Variants in CSMD1 observed in about 807,000 individuals in gnomAD.
CSMD1 encodes CUB and sushi domain-containing protein 1.
A neutral mutation model predicts 417.5 loss-of-function variants in CSMD1; 213 were observed. The ratio of observed to expected loss-of-function variants is 0.51; its 90% CI spans 0.46 to 0.57. CSMD1 has a LOEUF of 0.57. CSMD1 is among the 20% of genes least tolerant of loss of function. The pLI, the probability that CSMD1 is intolerant of heterozygous loss-of-function variation, is 0.00. For synonymous variants in CSMD1, 2,862 were observed against 1,736.8 expected (o/e 1.65, Z -16.11); for missense variants, 6,923 against 4,529.7 (o/e 1.53, Z -15.17).
chr8:3,478,869 G>A (rs1029248640), intron 11 of CSMD1, among the ~76,000 whole-genome samples: 1 of 152,120 alleles, frequency 6.6e-6, no homozygotes, highest in African/African-American at 2.4e-5. Context: ...ATCTCACCTG[G>A]GGAGGCCCTT....
At chr8:3,798,598 A>G (rs1170178579) in intron 5 of CSMD1, among the ~76,000 whole-genome samples, 1 of 152,150 alleles carries the variant, frequency 6.6e-6, no homozygotes, top group Non-Finnish European at 1.5e-5. Flanking sequence ...TATAAATAAA[A>G]TATTAACTTT....
chr8:3,577,838 G>C (rs1329067753), intron 9 of CSMD1, among the ~76,000 whole-genome samples: 2 of 152,114 alleles, frequency 1.3e-5, no homozygotes, highest in Non-Finnish European at 2.9e-5. Flanking sequence ...TTGCCTCCTT[G>C]CATCTAGGGT....
chr8:4,174,298 A>T (rs2656284), intron 3 of CSMD1, among the ~76,000 whole-genome samples: 1 of 152,218 alleles, frequency 6.6e-6, no homozygotes, highest in East Asian at 1.9e-4. Context: ...ATCATTTTTA[A>T]AGGTCATCCA....
chr8:3,539,014 C>A (rs1563134447), intron 10 of CSMD1, among the ~76,000 whole-genome samples: 2 of 152,134 alleles, frequency 1.3e-5, no homozygotes, highest in Admixed American at 1.3e-4. Flanking sequence ...AAATAAAATC[C>A]AAACACATTA....
At chr8:4,623,767 CATATATAATATTTCAAAA>C in intron 2 of CSMD1, among the ~76,000 whole-genome samples, 4 of 151,812 alleles carry the variant, frequency 2.6e-5, no homozygotes, top group African/African-American at 9.7e-5. Flanking sequence ...TATAATTTGG[CATATATAATATTTCAAAA>C]AAGCAAACTA....
At chr8:4,470,915 G>A (rs1328562712) in intron 2 of CSMD1, among the ~76,000 whole-genome samples, 1 of 152,132 alleles carries the variant, frequency 6.6e-6, no homozygotes, top group African/African-American at 2.4e-5. Flanking sequence ...TGTTTAGTAT[G>A]AATGTGTAAA....
At chr8:3,873,413 T>A (rs188328612) in intron 5 of CSMD1, among the ~76,000 whole-genome samples, 1 of 152,088 alleles carries the variant, frequency 6.6e-6, no homozygotes, top group Non-Finnish European at 1.5e-5. Flanking sequence ...GGCACATGGA[T>A]GGAACTGGAG....
At chr8:4,168,037 T>C (rs10156334) in intron 3 of CSMD1, among the ~76,000 whole-genome samples, 59,992 of 151,298 alleles carry the variant, frequency 0.4, 12,299 homozygotes, top group East Asian at 0.6. Flanking sequence ...GCTGAGGCCG[T>C]AGAATTGCTT....
rs530006355 is a variant in CSMD1 at position 4,479,977 on chromosome 8, A to T, written c.303-59912T>A. Among the ~76,000 whole-genome samples the T allele has an allele frequency of 4.3e-3, 655 of 151,676 alleles. 7 individuals are homozygous for T. Among genetic ancestry groups the T allele is most frequent in the African/African-American group, 0.013 (556 of 41,298 alleles). ...CAAGTCTCTGTCTCAAAAAAAAAAA[A>T]AAATAAAAAGTCAACAAAAAAAAGC... On this transcript the variant is annotated intron_variant, in intron 2 of 69. Transcript: ENST00000635120.
At chr8:4,374,640 T>C (rs1158055897) in intron 3 of CSMD1, among the ~76,000 whole-genome samples, 1 of 152,028 alleles carries the variant, frequency 6.6e-6, no homozygotes, top group East Asian at 1.9e-4. Context: ...AAGTTGTTTT[T>C]TAGCTGGATG....
At chr8:4,116,837 AC>A (rs1227701092) in intron 3 of CSMD1, among the ~76,000 whole-genome samples, 2 of 150,106 alleles carry the variant, frequency 1.3e-5, no homozygotes, top group African/African-American at 2.4e-5. Context: ...TTAAAAAAAA[AC>A]AAAAAGCACC....
intron 4 of CSMD1, among the ~76,000 whole-genome samples, chr8:4,027,166 A>G (rs556207421): frequency 1.4e-4 from 21 of 152,296 alleles, no homozygotes; most frequent in African/African-American, 4.8e-4. Flanking sequence ...TGCACCATTT[A>G]GTTACGACGA....
chr8:3,608,564 C>T (rs575175800), intron 8 of CSMD1, among the ~76,000 whole-genome samples: 2 of 151,916 alleles, frequency 1.3e-5, no homozygotes, highest in Non-Finnish European at 2.9e-5. Flanking sequence ...GAGTTTGAGA[C>T]GAGCCTGGCC....
chr8:4,261,936 G>T (rs553434880), intron 3 of CSMD1, among the ~76,000 whole-genome samples: 2 of 152,040 alleles, frequency 1.3e-5, no homozygotes, highest in African/African-American at 2.4e-5. Context: ...GAATGATATG[G>T]CAATGTAACA....
At chr8:4,208,333 C>G (rs1800103889) in intron 3 of CSMD1, among the ~76,000 whole-genome samples, 2 of 152,032 alleles carry the variant, frequency 1.3e-5, no homozygotes, top group Admixed American at 6.5e-5. Context: ...CAAATCAGGT[C>G]TTATTTGAAT....
chr8:3,468,221 A>T (rs1816890948), intron 12 of CSMD1, among the ~76,000 whole-genome samples: 1 of 152,334 alleles, frequency 6.6e-6, no homozygotes, highest in East Asian at 1.9e-4. Flanking sequence ...AATTGTTTGC[A>T]TTGCTATCAG....
Position 3,110,230 on chromosome 8 carries a change from G to A in CSMD1, c.6536C>T (p.Pro2179Leu). Residue 2179 changes from proline (P) to leucine (L), a missense_variant, in exon 43 of 70, where the codon CCT becomes CTT. Physicochemically the swap from Pro to Leu is moderately conservative, Grantham distance 98. Transcript: ENST00000635120. Reference sequence around the variant, plus strand: ...GTTGATGTAAACTCCGTGCCCTGGAGGCACCGTGATGAGCCAAATGCAGTC... The same window carrying A: ...GTTGATGTAAACTCCGTGCCCTGGAAGCACCGTGATGAGCCAAATGCAGTC... ...LKDCIWLITV[P>L]PGHGVYINFT... The A allele has an allele frequency of 3.1e-6, 5 of 1,613,260 alleles. No individual in the cohort carries two copies. The highest frequency in any genetic ancestry group is 4.2e-6 in the Non-Finnish European group (5 of 1,179,604).
At chr8:3,791,304 G>T (rs944512700) in intron 5 of CSMD1, among the ~76,000 whole-genome samples, 1 of 152,020 alleles carries the variant, frequency 6.6e-6, no homozygotes, top group Non-Finnish European at 1.5e-5. Flanking sequence ...ATAAATTTAG[G>T]TATCTGAATT....
chr8:4,131,531 C>A (rs183198393), intron 3 of CSMD1, among the ~76,000 whole-genome samples: 1 of 152,064 alleles, frequency 6.6e-6, no homozygotes, highest in Non-Finnish European at 1.5e-5. Flanking sequence ...TTAATATCAA[C>A]GCATTTTGTC....
Sources: allele counts gnomAD v4.1 joint callset (sites outside exome capture counted in the v4.1 genomes callset), GRCh38; gene constraint gnomAD v4.1.1; transcripts MANE v1.5; gene names NCBI Gene and HGNC (gene_info 2026-07-23, HGNC 2026-07-21).